Variants in ANKHD1 observed in about 807,000 individuals in gnomAD.
ANKHD1 encodes the protein ankyrin repeat and KH domain-containing protein 1.
ANKHD1 carries 31 observed loss-of-function variants against 230.5 expected under a neutral mutation model. That is an observed-to-expected ratio of 0.13 (90% CI 0.10 to 0.18). ANKHD1 has a LOEUF of 0.18. Ranked by LOEUF, ANKHD1 falls within the 10% of genes least tolerant of loss-of-function variation. The pLI, the probability that ANKHD1 is intolerant of heterozygous loss-of-function variation, is 1.00. For missense variants in ANKHD1, 2,256 were observed against 3,071.3 expected (o/e 0.73, Z 6.27); for synonymous variants, 1,074 against 1,117.6 (o/e 0.96, Z 0.78).
At chr5:140,427,615 C>G (rs1474284627) in intron 1 of ANKHD1, among the ~76,000 whole-genome samples, 5 of 147,830 alleles carry the variant, frequency 3.4e-5, no homozygotes, top group African/African-American at 1.2e-4. Context: ...CCCCACCTCC[C>G]TCCCGGACGG....
At chr5:140,412,590 CATT>C (rs1771029179) in intron 1 of ANKHD1, among the ~76,000 whole-genome samples, 1 of 152,186 alleles carries the variant, frequency 6.6e-6, no homozygotes, top group Non-Finnish European at 1.5e-5. Context: ...TCAGGTCTTT[CATT>C]ATTCATTTAA....
chr5:140,462,872 G>T (rs1390208687), intron 9 of ANKHD1, among the ~76,000 whole-genome samples: 1 of 151,988 alleles, frequency 6.6e-6, no homozygotes, highest in Non-Finnish European at 1.5e-5. Context: ...TTGAGACAGG[G>T]TCTCACTCTG....
chr5:140,439,900 C>T (rs1773730492), intron 3 of ANKHD1, among the ~76,000 whole-genome samples: 3 of 152,086 alleles, frequency 2.0e-5, no homozygotes, highest in African/African-American at 7.2e-5. Flanking sequence ...ATAAAAATGA[C>T]AGCTGGTTTC....
At position 140,529,549 on chromosome 5, in the gene ANKHD1, A is replaced by G. The variant is rs944211830; in HGVS notation, c.6603A>G (p.Pro2201=). ...TAAACCCAGCAAATAAGTCTTTGCCACCTACATTTGGCCCAGCCACACTTT... is the reference window on the plus strand; with the variant it reads ...TAAACCCAGCAAATAAGTCTTTGCCGCCTACATTTGGCCCAGCCACACTTT... ...MHINPANKSL[P]PTFGPATLFN... Residue 2201 remains proline (P), a synonymous_variant, in exon 29 of 34, where the codon CCA becomes CCG. Transcript: ENST00000360839. 1.9e-6 allele frequency: 3 copies of G among 1,614,212 alleles called. No individual in the cohort carries two copies. Among genetic ancestry groups the G allele is most frequent in the Non-Finnish European group, 1.7e-6 (2 of 1,180,038 alleles).
At chr5:140,488,307 G>A (rs760063912) in intron 14 of ANKHD1, among the ~76,000 whole-genome samples, 4 of 152,060 alleles carry the variant, frequency 2.6e-5, no homozygotes, top group Admixed American at 6.6e-5. Flanking sequence ...ATCATTGGCC[G>A]GGCATGGTGG....
rs1418135876 is a variant in ANKHD1 at position 140,496,844 on chromosome 5, A to G, written c.2570A>G (p.Tyr857Cys). ...ACACAGCAGCAATTTACCAAAGAAT[A>G]CTTGGAAACCAAAGGTCAGAAAGAC... ...MKTQQQFTKE[Y>C]LETKGQKDTV... Residue 857 changes from tyrosine to cysteine, a missense_variant, in exon 15 of 34, where the codon TAC (tyrosine) becomes TGC (cysteine). Physicochemically the swap from Tyr to Cys is radical, Grantham distance 194. This residue lies in a region of ANKHD1 where 358 missense variants were observed against 397.7 expected (regional missense o/e 0.90). Coordinates refer to ENST00000360839, the MANE Select transcript of ANKHD1 (RefSeq NM_017747.3). 6.2e-7 allele frequency: 1 copy of G among 1,614,112 alleles called. No individual in the cohort carries two copies.
At chr5:140,511,075 T>A (rs1003287566) in intron 22 of ANKHD1, among the ~76,000 whole-genome samples, 1 of 152,176 alleles carries the variant, frequency 6.6e-6, no homozygotes, top group African/African-American at 2.4e-5. Context: ...TTCTCCCACC[T>A]CTGCCTGCCA....
In ANKHD1 at chr5:140,438,411, C is replaced by CT. The variant is rs61553358; in HGVS notation, c.461-40dup. ...TATAATTACAATTTGCACTTTTATA[C>CT]TTTTTTTTTTGTTGTTCTGCACTAC... On this transcript the variant is annotated intron_variant, in intron 2 of 33. Transcript: ENST00000360839. The CT allele has an allele frequency of 3.6e-3, 4,441 of 1,242,044 alleles. 4 individuals are homozygous for CT. The highest frequency in any genetic ancestry group is 0.017 in the African/African-American group (1,096 of 64,806). The allele number at this position is 1,242,044 out of a possible 1,614,324, so 76.9% of individuals were successfully genotyped here. A position where few individuals can be genotyped will look rare whatever the true frequency, so the allele number is the denominator to read the frequency against.
intron 7 of ANKHD1, among the ~76,000 whole-genome samples, chr5:140,456,297 A>G (rs1417682488): frequency 1.3e-5 from 2 of 152,240 alleles, no homozygotes; most frequent in Non-Finnish European, 2.9e-5. Flanking sequence ...AAAGTAATTT[A>G]TAGATTCAAT....
At chr5:140,426,806 C>T (rs1772459858) in intron 1 of ANKHD1, among the ~76,000 whole-genome samples, 1 of 152,198 alleles carries the variant, frequency 6.6e-6, no homozygotes, top group African/African-American at 2.4e-5. Context: ...GGATACAGCA[C>T]ATGTTTCAGA....
chr5:140,462,051 A>G (rs887737045), intron 9 of ANKHD1, among the ~76,000 whole-genome samples: 4 of 152,180 alleles, frequency 2.6e-5, no homozygotes, highest in Middle Eastern at 3.4e-3. Flanking sequence ...TAGGCTTCCC[A>G]GAGTATGGAT....
At chr5:140,496,461 C>CTT (rs770445733) in intron 14 of ANKHD1, 59 bp from the exon 15 acceptor site, 2,718 of 510,928 alleles carry the variant, frequency 5.3e-3, no homozygotes, top group Middle Eastern at 0.01. Context: ...TTTTTCTTTT[C>CTT]TTTTTTTTTT....
Position 140,436,108 on chromosome 5 carries a change from A to G in ANKHD1, c.311A>G (p.Glu104Gly). The change falls in exon 2 of 34, where the codon GAA becomes GGA. Residue 104 changes from glutamate to glycine, a missense_variant. Around this residue, in one of 13 missense-constraint regions of ANKHD1, gnomAD observed 193 missense variants for 185.8 expected, o/e 1.04. Transcript: ENST00000360839. ...GCATCTTTATTTCATTAACAGGTTG[A>G]ATCATTTATTTTGGACCAAGAAGAT... ...GSDEDEVSEVESFILDQEDLD... is the reference protein window; with the variant it reads ...GSDEDEVSEVGSFILDQEDLD... 6.4e-7 allele frequency: 1 copy of G among 1,558,782 alleles called. No individual in the cohort carries two copies. The highest frequency in any genetic ancestry group is 8.6e-7 in the Non-Finnish European group (1 of 1,156,728).
chr5:140,451,246 C>T (rs968817770), intron 7 of ANKHD1, among the ~76,000 whole-genome samples: 2 of 152,092 alleles, frequency 1.3e-5, no homozygotes, highest in Non-Finnish European at 2.9e-5. Flanking sequence ...GAGATAGGCA[C>T]AATAGCAGTT....
At position 140,538,941 on chromosome 5, in the gene ANKHD1, G is replaced by A; in HGVS notation, c.7427G>A (p.Gly2476Glu). 6.4e-7 allele frequency: 1 copy of A among 1,562,714 alleles called. No individual in the cohort carries two copies. Among genetic ancestry groups the A allele is most frequent in the Non-Finnish European group, 8.7e-7 (1 of 1,155,864 alleles). ...FSKGLPISMY[G>E]GTIIPSHPQL... The stretch of plus-strand genomic sequence containing the variant: ...TAGGGTCTGCCAATTTCCATGTATG[G>A]AGGCACCATAATACCCTCTCATCCT... The change falls in exon 33 of 34, where the codon GGA (glycine) becomes GAA (glutamate). Residue 2476 changes from glycine to glutamate, a missense_variant. Coordinates refer to ENST00000360839, the MANE Select transcript of ANKHD1 (RefSeq NM_017747.3).
rs924796236 is a variant in ANKHD1, at chr5:140,485,056, G to A, written c.1871-65G>A. The A allele has an allele frequency of 1.3e-6, 2 of 1,522,130 alleles. No homozygotes were observed. The highest frequency in any genetic ancestry group is 1.8e-6 in the Non-Finnish European group (2 of 1,127,220). 94.3% of individuals were successfully genotyped at this position (1,522,130 alleles called of 1,614,324 possible). A position where few individuals can be genotyped will look rare whatever the true frequency, so the allele number is the denominator to read the frequency against. On this transcript the variant is annotated intron_variant, in intron 11 of 33. Transcript: ENST00000360839. This position sits in a 1 kb window ranked among gnomAD's most constrained non-coding sequence, Gnocchi z 4.8. ...TATACTTCACAAAAAATTTTTAAAT[G>A]ATATTGACTATGAACTAGCTTGATG... is the stretch of plus-strand genomic sequence containing the variant.
At chr5:140,406,249 A>AT (rs1368531061) in intron 1 of ANKHD1, among the ~76,000 whole-genome samples, 152 of 152,152 alleles carry the variant, frequency 1.0e-3, no homozygotes, top group African/African-American at 3.5e-3. Context: ...AAAAAAAAAA[A>AT]AAATAAATTA....
At chr5:140,453,060 A>G (rs949466922) in intron 7 of ANKHD1, among the ~76,000 whole-genome samples, 6 of 152,206 alleles carry the variant, frequency 3.9e-5, no homozygotes, top group South Asian at 4.1e-4. Context: ...CACAAGAACT[A>G]TGTGATGAAT....
intron 14 of ANKHD1, among the ~76,000 whole-genome samples, chr5:140,487,873 A>G (rs1022344401): frequency 6.6e-6 from 1 of 152,252 alleles, no homozygotes; most frequent in African/African-American, 2.4e-5. Flanking sequence ...GTAAGTGTAT[A>G]TAAATATCTG....
Sources: allele counts gnomAD v4.1 joint callset (sites outside exome capture counted in the v4.1 genomes callset), GRCh38; gene constraint gnomAD v4.1.1; regional missense constraint gnomAD v4.1.1; non-coding constraint Gnocchi (gnomAD v3.1); transcripts MANE v1.5; gene names NCBI Gene and HGNC (gene_info 2026-07-23, HGNC 2026-07-21).